The following TAFA2 variants were observed in gnomAD, a reference collection of about 807,000 sequenced individuals.
TAFA2 encodes the protein chemokine-like protein TAFA-2.
A neutral mutation model predicts 18.8 loss-of-function variants in TAFA2; 7 were observed. The observed-to-expected ratio is 0.37, with a 90% CI of 0.21 to 0.70. The LOEUF (loss-of-function observed/expected upper bound fraction) is 0.70, where lower values mean the gene tolerates loss of function less well. TAFA2 is among the 30% of genes least tolerant of loss of function. The pLI, the probability that TAFA2 is intolerant of heterozygous loss-of-function variation, is 0.53. For missense variants in TAFA2, 122 were observed against 158.1 expected (o/e 0.77, Z 1.23); for synonymous variants, 60 against 54.2 (o/e 1.11, Z -0.47).
At chr12:61,757,606 G>C (rs116523189) in intron 2 of TAFA2, among the ~76,000 whole-genome samples, 5 of 152,002 alleles carry the variant, frequency 3.3e-5, no homozygotes, top group South Asian at 4.2e-4. Context: ...CACGGAAAAG[G>C]TTTCACCAAT....
chr12:62,059,137 A>ATG (rs779755647), intron 1 of TAFA2, among the ~76,000 whole-genome samples: 3 of 43,534 alleles, frequency 6.9e-5, no homozygotes, highest in African/African-American at 1.1e-4. Flanking sequence ...ATATGTGTGT[A>ATG]TATGTGTGTG....
chr12:61,794,904 T>C (rs920437050), intron 2 of TAFA2, among the ~76,000 whole-genome samples: 6 of 151,602 alleles, frequency 4.0e-5, no homozygotes, highest in South Asian at 2.1e-4. Flanking sequence ...ACAACCCCAA[T>C]AAAAAGTGGG....
At chr12:61,816,787 T>TG (rs1872103831) in intron 2 of TAFA2, among the ~76,000 whole-genome samples, 1 of 151,360 alleles carries the variant, frequency 6.6e-6, no homozygotes, top group African/African-American at 2.5e-5. Context: ...GTATTTAAGC[T>TG]GAGACTTGAA....
At chr12:62,167,136 T>C (rs1267713175) in intron 1 of TAFA2, among the ~76,000 whole-genome samples, 1 of 152,088 alleles carries the variant, frequency 6.6e-6, no homozygotes, top group Admixed American at 6.6e-5. Flanking sequence ...TGGACATAAA[T>C]ATACATATGT....
intron 1 of TAFA2, among the ~76,000 whole-genome samples, chr12:62,190,740 C>T (rs1303021544): frequency 6.6e-6 from 1 of 152,124 alleles, no homozygotes; most frequent in Non-Finnish European, 1.5e-5. Flanking sequence ...CTCGCTGAAA[C>T]ACCCACCTTC....
At chr12:61,803,063 A>G (rs1871464149) in intron 2 of TAFA2, among the ~76,000 whole-genome samples, 1 of 152,030 alleles carries the variant, frequency 6.6e-6, no homozygotes, top group Non-Finnish European at 1.5e-5. Flanking sequence ...TTCTGTTTTT[A>G]AAGAATGAAT....
At chr12:62,224,966 C>A (rs12823493) in intron 1 of TAFA2, among the ~76,000 whole-genome samples, 1 of 151,970 alleles carries the variant, frequency 6.6e-6, no homozygotes, top group African/African-American at 2.4e-5. Context: ...TAGTTCCACA[C>A]GCCTGTAATC....
At chr12:62,124,613 A>G (rs1432643844) in intron 1 of TAFA2, among the ~76,000 whole-genome samples, 1 of 152,190 alleles carries the variant, frequency 6.6e-6, no homozygotes, top group African/African-American at 2.4e-5. Context: ...ACAAACCATC[A>G]GACCAGAAAA....
intron 2 of TAFA2, among the ~76,000 whole-genome samples, chr12:61,809,508 G>A (rs958949778): frequency 2.0e-5 from 3 of 151,020 alleles, no homozygotes; most frequent in Non-Finnish European, 4.4e-5. Flanking sequence ...AAGTCTTAGG[G>A]CATTTGTCAT....
At chr12:61,782,131 T>C (rs2120888395) in intron 2 of TAFA2, among the ~76,000 whole-genome samples, 1 of 151,754 alleles carries the variant, frequency 6.6e-6, no homozygotes, top group African/African-American at 2.4e-5. Context: ...AATTCTAATG[T>C]CCCTCAACCA....
intron 1 of TAFA2, among the ~76,000 whole-genome samples, chr12:61,929,032 T>C (rs1337860787): frequency 6.6e-6 from 1 of 151,852 alleles, no homozygotes; most frequent in Non-Finnish European, 1.5e-5. Context: ...AGGGAAGGAA[T>C]AGCATTAGGA....
chr12:61,936,880 A>G (rs1027264271), intron 1 of TAFA2, among the ~76,000 whole-genome samples: 3 of 152,136 alleles, frequency 2.0e-5, no homozygotes, highest in African/African-American at 7.2e-5. Flanking sequence ...TCAAACTATC[A>G]CTGTTCACCA....
chr12:61,837,815 A>C (rs573516372), intron 2 of TAFA2, among the ~76,000 whole-genome samples: 1 of 152,158 alleles, frequency 6.6e-6, no homozygotes, highest in Non-Finnish European at 1.5e-5. Flanking sequence ...AATTTTAATA[A>C]GCATTATGAA....
intron 1 of TAFA2, among the ~76,000 whole-genome samples, chr12:61,902,316 T>C (rs1016421066): frequency 6.6e-6 from 1 of 152,168 alleles, no homozygotes; most frequent in Non-Finnish European, 1.5e-5. Flanking sequence ...ACGTGACTTC[T>C]TTCCATATTT....
chr12:62,096,583 C>G (rs79813458), intron 1 of TAFA2, among the ~76,000 whole-genome samples: 8,238 of 152,216 alleles, frequency 0.054, 336 homozygotes, highest in Non-Finnish European at 0.083. Flanking sequence ...CTCCCCTTTT[C>G]TAAGTATTTC....
intron 1 of TAFA2, among the ~76,000 whole-genome samples, chr12:61,991,208 G>T (rs932025343): frequency 6.6e-6 from 1 of 152,168 alleles, no homozygotes; most frequent in African/African-American, 2.4e-5. Context: ...CTCAATTATA[G>T]TATTCAGCCT....
At chr12:62,010,078 A>G (rs544673494) in intron 1 of TAFA2, among the ~76,000 whole-genome samples, 14 of 152,212 alleles carry the variant, frequency 9.2e-5, no homozygotes, top group African/African-American at 3.1e-4. Flanking sequence ...TTTGTACTAT[A>G]GGTTTACTTT....
chr12:62,114,965 G>A (rs1285821888), intron 1 of TAFA2, among the ~76,000 whole-genome samples: 4 of 152,198 alleles, frequency 2.6e-5, no homozygotes, highest in East Asian at 1.9e-4. Context: ...CAAGGGGCTC[G>A]TTTAATTAAA....
intron 1 of TAFA2, among the ~76,000 whole-genome samples, chr12:61,998,632 G>T (rs1251339863): frequency 6.6e-6 from 1 of 152,152 alleles, no homozygotes; most frequent in African/African-American, 2.4e-5. Flanking sequence ...CTTGACCAAG[G>T]TCTCACAGCT....
Sources: allele counts gnomAD v4.1 joint callset (sites outside exome capture counted in the v4.1 genomes callset), GRCh38; gene constraint gnomAD v4.1.1; transcripts MANE v1.5; gene names NCBI Gene and HGNC (gene_info 2026-07-23, HGNC 2026-07-21).